The following SYTL2 variants were observed in gnomAD, a reference collection of about 807,000 sequenced individuals.
The protein encoded by SYTL2 is synaptotagmin like 2.
Under a neutral mutation model 198.7 loss-of-function variants are expected in SYTL2, and 165 were observed. The observed-to-expected ratio is 0.83, with a 90% CI of 0.73 to 0.94. The LOEUF is 0.94. Ranked by LOEUF, SYTL2 falls within the 40% of genes least tolerant of loss-of-function variation. The probability of loss-of-function intolerance (pLI) is 0.00; values close to 1 mark genes in which losing one functional copy is unlikely to be tolerated. For synonymous variants in SYTL2, 966 were observed against 917.7 expected (o/e 1.05, Z -0.95); for missense variants, 2,835 against 2,582.8 (o/e 1.10, Z -2.12).
chr11:85,791,330 G>C (rs1241680663), intron 1 of SYTL2, among the ~76,000 whole-genome samples: 1 of 151,972 alleles, frequency 6.6e-6, no homozygotes, highest in Non-Finnish European at 1.5e-5. Context: ...AGCTTTGCTG[G>C]GTACAGCACC....
chr11:85,732,723 C>T (rs2089938454), intron 7 of SYTL2, among the ~76,000 whole-genome samples: 4 of 152,022 alleles, frequency 2.6e-5, no homozygotes. Flanking sequence ...TCACATGTAT[C>T]CCAGAACTTA....
chr11:85,744,051 T>C (rs2090986199), intron 4 of SYTL2, among the ~76,000 whole-genome samples: 1 of 152,204 alleles, frequency 6.6e-6, no homozygotes, highest in African/African-American at 2.4e-5. Context: ...TCTTTCTTTA[T>C]GAAGGAAGGC....
intron 1 of SYTL2, among the ~76,000 whole-genome samples, chr11:85,777,501 C>T (rs1261484786): frequency 1.3e-5 from 2 of 152,028 alleles, no homozygotes; most frequent in African/African-American, 4.8e-5. Context: ...CCTGAACCTG[C>T]TTCTGAGGCA....
chr11:85,797,923 G>A (rs1002187449), intron 1 of SYTL2, among the ~76,000 whole-genome samples: 4 of 151,894 alleles, frequency 2.6e-5, no homozygotes, highest in South Asian at 2.1e-4. Context: ...GTGCAATGTC[G>A]GCTCACTGCA....
intron 1 of SYTL2, among the ~76,000 whole-genome samples, chr11:85,785,382 G>T (rs2092620978): frequency 6.6e-6 from 1 of 152,340 alleles, no homozygotes; most frequent in African/African-American, 2.4e-5. Context: ...ACGGAAAACA[G>T]AAGGAAAAGT....
intron 8 of SYTL2, 104 bp from the exon 9 acceptor site, chr11:85,721,063 A>C (rs1172794950): frequency 3.0e-6 from 2 of 666,566 alleles, no homozygotes; most frequent in East Asian, 2.7e-5. Context: ...ACATTATGCT[A>C]TGAGTTTCTA....
rs375714931 is a variant in SYTL2 at position 85,714,496 on chromosome 11, G to A, written c.5542C>T (p.Pro1848Ser). The change falls in exon 12 of 20, where the codon CCT becomes TCT. Residue 1848 changes from proline (P) to serine (S), a missense_variant. Around this residue, in one of 3 missense-constraint regions of SYTL2, gnomAD observed 2,645 missense variants for 2,381.7 expected, o/e 1.11. Coordinates refer to ENST00000359152, the MANE Select transcript of SYTL2 (RefSeq NM_206927.4). ...NECVPRISTV[P>S]TQPDNPFSHP... ...GAAAATGGATTATCAGGTTGTGTAGGCACTGTGGAAACTAAACAGCAGCAT... is the reference window on the plus strand; with the variant it reads ...GAAAATGGATTATCAGGTTGTGTAGACACTGTGGAAACTAAACAGCAGCAT... The A allele has an allele frequency of 4.3e-6, 7 of 1,612,622 alleles. No individual in the cohort carries two copies. The highest frequency in any genetic ancestry group is 1.7e-5 in the Admixed American group (1 of 60,006).
At chr11:85,728,373 G>A (rs556157315) in intron 7 of SYTL2, among the ~76,000 whole-genome samples, 159 of 151,990 alleles carry the variant, frequency 1.0e-3, no homozygotes, top group Middle Eastern at 6.8e-3. Flanking sequence ...TGCAACCTCC[G>A]CCTCCCAGGT....
At chr11:85,711,930 T>C (rs1157732359) in intron 12 of SYTL2, among the ~76,000 whole-genome samples, 1 of 152,206 alleles carries the variant, frequency 6.6e-6, no homozygotes, top group Non-Finnish European at 1.5e-5. Context: ...ATTTTAAATA[T>C]GTCCGAGGAA....
chr11:85,716,209 A>T (rs1200873343), intron 11 of SYTL2: 1 of 152,222 alleles, frequency 6.6e-6, no homozygotes, highest in Non-Finnish European at 1.5e-5. Flanking sequence ...TGAACAAAAC[A>T]TAGCAAGATA....
At position 85,725,919 on chromosome 11, in the gene SYTL2, C is replaced by G. The variant is rs762556959; in HGVS notation, c.3439G>C (p.Ala1147Pro). Residue 1147 changes from alanine (A) to proline (P), a missense_variant, in exon 8 of 20, where the codon GCA becomes CCA. Ala to Pro is a conservative substitution (Grantham distance 27). Transcript: ENST00000359152. ...ACTTTTCCACCAGAGGGTTGAATTGCTGGTGTTGAGGTTTCTGAAAGCAGT... is the reference window on the plus strand; with the variant it reads ...ACTTTTCCACCAGAGGGTTGAATTGGTGGTGTTGAGGTTTCTGAAAGCAGT... Reference protein sequence around the residue: ...QKLLSETSTPAIQPSGGKVHG... With the variant: ...QKLLSETSTPPIQPSGGKVHG... The G allele has an allele frequency of 1.2e-6, 2 of 1,614,068 alleles. No individual in the cohort carries two copies. Among genetic ancestry groups the G allele is most frequent in the East Asian group, 2.2e-5 (1 of 44,886 alleles).
At chr11:85,729,804 A>G (rs1208839557) in intron 7 of SYTL2, among the ~76,000 whole-genome samples, 1 of 152,034 alleles carries the variant, frequency 6.6e-6, no homozygotes, top group Non-Finnish European at 1.5e-5. Flanking sequence ...ATCCAGGAGC[A>G]GGTTCAGGTT....
the SYTL2 span, among the ~76,000 whole-genome samples, chr11:85,846,088 T>C: frequency 6.6e-6 from 1 of 152,208 alleles, no homozygotes; most frequent in African/African-American, 2.4e-5. Context: ...CAAGATGACT[T>C]TGTTCACATG....
rs1252012789 is a variant in SYTL2 at position 85,761,965 on chromosome 11, A to G, written c.-389-3851T>C. ...TGAGCCACCACACCCAGCCCAAGGTAGGTCTTATTATCTGTGTTTTTCACA... is the reference window on the plus strand; with the variant it reads ...TGAGCCACCACACCCAGCCCAAGGTGGGTCTTATTATCTGTGTTTTTCACA... On this transcript the variant is annotated intron_variant, in intron 1 of 19. Coordinates refer to ENST00000359152, the MANE Select transcript of SYTL2 (RefSeq NM_206927.4). Among the ~76,000 whole-genome samples the G allele has an allele frequency of 2.6e-5, 4 of 152,160 alleles. No homozygotes were observed. In the East Asian group the frequency reaches 7.7e-4, roughly 29 times the overall value.
the SYTL2 span, among the ~76,000 whole-genome samples, chr11:85,852,034 C>T: frequency 6.6e-6 from 1 of 152,264 alleles, no homozygotes; most frequent in Non-Finnish European, 1.5e-5. Context: ...TAAGTTATCT[C>T]TAACAATGAT....
chr11:85,853,762 T>C, the SYTL2 span: 1 of 137,918 alleles, frequency 7.3e-6, no homozygotes, highest in Admixed American at 7.6e-5. Context: ...CCTTAACTAC[T>C]GACTAATTCT....
intron 3 of SYTL2, among the ~76,000 whole-genome samples, chr11:85,746,473 T>C (rs1320612565): frequency 1.3e-5 from 2 of 152,248 alleles, no homozygotes; most frequent in Non-Finnish European, 2.9e-5. Flanking sequence ...CTGAGTTCTT[T>C]GCATGCATTA....
chr11:85,839,203 AT>A, the SYTL2 span, among the ~76,000 whole-genome samples: 2 of 152,124 alleles, frequency 1.3e-5, no homozygotes, highest in East Asian at 3.8e-4. Flanking sequence ...TGCATTCTTG[AT>A]TTTTTTCAAA....
intron 16 of SYTL2, among the ~76,000 whole-genome samples, chr11:85,702,038 C>A (rs1267071994): frequency 2.0e-5 from 3 of 152,064 alleles, no homozygotes; most frequent in Admixed American, 2.0e-4. Context: ...GAGCCCACGG[C>A]CTGTCAAGAA....
Sources: allele counts gnomAD v4.1 joint callset (sites outside exome capture counted in the v4.1 genomes callset), GRCh38; gene constraint gnomAD v4.1.1; regional missense constraint gnomAD v4.1.1; transcripts MANE v1.5; gene names NCBI Gene and HGNC (gene_info 2026-07-23, HGNC 2026-07-21).